CNTNAP2: variants seen among roughly 807,000 people sequenced by gnomAD.
The protein encoded by CNTNAP2 is contactin associated protein 2.
Under a neutral mutation model 155.2 loss-of-function variants are expected in CNTNAP2, and 98 were observed. The observed-to-expected ratio is 0.63, with a 90% CI of 0.54 to 0.75. The LOEUF (loss-of-function observed/expected upper bound fraction) is 0.75. Among genes scored for constraint, CNTNAP2 ranks in the 30% least tolerant of loss-of-function variants. The probability of loss-of-function intolerance (pLI) is 0.00; values close to 1 mark genes in which losing one functional copy is unlikely to be tolerated. For missense variants in CNTNAP2, 1,727 were observed against 1,688.1 expected, an observed-to-expected ratio of 1.02 and a Z score of -0.40; for synonymous variants, 651 against 631.2, an observed-to-expected ratio of 1.03 and a Z score of -0.47.
chr7:146,641,229 A>G (rs1799701054), intron 1 of CNTNAP2, among the ~76,000 whole-genome samples: 1 of 152,200 alleles, frequency 6.6e-6, no homozygotes, highest in African/African-American at 2.4e-5. Flanking sequence ...TGGGAGGCTG[A>G]GGCAGGAGAA....
At chr7:146,715,543 A>T (rs1563200683) in intron 1 of CNTNAP2, among the ~76,000 whole-genome samples, 2 of 152,186 alleles carry the variant, frequency 1.3e-5, no homozygotes, top group Non-Finnish European at 2.9e-5. Context: ...TTTGATTTGT[A>T]TACAGTTTCA....
At chr7:146,836,247 A>AT (rs11406170) in intron 2 of CNTNAP2, among the ~76,000 whole-genome samples, 77,749 of 150,958 alleles carry the variant, frequency 0.52, 23,661 homozygotes, top group African/African-American at 0.86. Context: ...TTAAATTTGT[A>AT]TTTTTTTTTA....
intron 10 of CNTNAP2, among the ~76,000 whole-genome samples, chr7:147,405,495 G>C (rs1201400070): frequency 6.6e-6 from 1 of 152,160 alleles, no homozygotes; most frequent in Non-Finnish European, 1.5e-5. Flanking sequence ...TGAAGGGGAA[G>C]TTGGAGCTTG....
chr7:148,391,749 G>A (rs1020422506), intron 22 of CNTNAP2, among the ~76,000 whole-genome samples: 3 of 152,158 alleles, frequency 2.0e-5, no homozygotes, highest in African/African-American at 7.2e-5. Context: ...GGATTTGCCA[G>A]CAGGAAGACA....
intron 13 of CNTNAP2, among the ~76,000 whole-genome samples, chr7:147,706,999 C>G (rs1366372940): frequency 2.6e-5 from 4 of 152,016 alleles, no homozygotes; most frequent in Non-Finnish European, 5.9e-5. Context: ...TCTGTGATAT[C>G]TATCTCTTTG....
chr7:146,633,347 C>A (rs2129159261), intron 1 of CNTNAP2, among the ~76,000 whole-genome samples: 1 of 152,076 alleles, frequency 6.6e-6, no homozygotes, highest in African/African-American at 2.4e-5. Flanking sequence ...TTTTTATTTC[C>A]TAAAAAATTC....
At position 147,300,146 on chromosome 7, in the gene CNTNAP2, G is replaced by A. The variant is rs1338220329; in HGVS notation, c.1354G>A (p.Gly452Arg). The stretch of plus-strand genomic sequence containing the variant: ...TTTTATCTTGTACTTACCAGGTTCT[G>A]GGTTGAATGATGGACAGTGGCACGA... ...MSQIDISSGSGLNDGQWHEVR... is the reference protein window; with the variant it reads ...MSQIDISSGSRLNDGQWHEVR... Residue 452 changes from glycine to arginine, a missense_variant, in exon 9 of 24, where the codon GGG becomes AGG. Physicochemically the swap from Gly to Arg is moderately radical, Grantham distance 125 (BLOSUM62 -2). Coordinates refer to ENST00000361727, the MANE Select transcript of CNTNAP2 (RefSeq NM_014141.6). 21 of 1,613,868 alleles carry A rather than the reference G, an allele frequency of 1.3e-5. No individual in the cohort carries two copies. Among genetic ancestry groups the A allele is most frequent in the South Asian group, 1.2e-4 (11 of 91,088 alleles).
At chr7:146,516,191 G>A (rs1797538350) in intron 1 of CNTNAP2, among the ~76,000 whole-genome samples, 1 of 151,896 alleles carries the variant, frequency 6.6e-6, no homozygotes, top group Non-Finnish European at 1.5e-5. Context: ...TACTATCATG[G>A]GTAGCAATTA....
chr7:146,505,935 G>A (rs1797377589), intron 1 of CNTNAP2, among the ~76,000 whole-genome samples: 1 of 152,162 alleles, frequency 6.6e-6, no homozygotes. Context: ...CAAAGAGGTG[G>A]AGTAACATGC....
At chr7:148,281,306 A>G (rs914280963) in intron 21 of CNTNAP2, among the ~76,000 whole-genome samples, 2 of 152,354 alleles carry the variant, frequency 1.3e-5, no homozygotes, top group East Asian at 3.9e-4. Flanking sequence ...AAAGTCCCCG[A>G]TGGCAGCTTA....
chr7:147,115,282 G>A (rs1400937618), intron 5 of CNTNAP2, among the ~76,000 whole-genome samples: 1 of 152,102 alleles, frequency 6.6e-6, no homozygotes, highest in Non-Finnish European at 1.5e-5. Context: ...CAGAGAATCT[G>A]ATGATTATGT....
chr7:147,728,031 A>G (rs1022764733), intron 13 of CNTNAP2, among the ~76,000 whole-genome samples: 10 of 151,908 alleles, frequency 6.6e-5, no homozygotes, highest in African/African-American at 2.4e-4. Flanking sequence ...TTCTTGTGTA[A>G]AGCATCAGAT....
chr7:146,864,862 T>TGTGGTCCCAGCTCAA (rs1191867917), intron 3 of CNTNAP2, among the ~76,000 whole-genome samples: 1 of 151,540 alleles, frequency 6.6e-6, no homozygotes, highest in Non-Finnish European at 1.5e-5. Context: ...GGCAGGCTCC[T>TGTGGTCCCAGCTCAA]GTGGTCCCAG....
rs375725373 is a variant in CNTNAP2, at chr7:148,390,550, CCATACCTATACCAGGATGTTTG to C, written c.3715+6685_3715+6706del. 5.0e-3 allele frequency among the ~76,000 whole-genome samples: 768 copies of C among 152,196 alleles called. 6 individuals carry two copies. The highest frequency in any genetic ancestry group is 0.014 in the African/African-American group (599 of 41,502). Reference sequence around the variant, plus strand: ...TCTTGGCAAACCAGGGCTACTCAATCCATACCTATACCAGGATGTTTGCATACCTATACCAGGATGTTTGTTT... The same window carrying C: ...TCTTGGCAAACCAGGGCTACTCAATCCATACCTATACCAGGATGTTTGTTT... On this transcript the variant is annotated intron_variant, in intron 22 of 23. Coordinates refer to ENST00000361727, the MANE Select transcript of CNTNAP2 (RefSeq NM_014141.6).
At chr7:147,364,841 T>C (rs1796199419) in intron 9 of CNTNAP2, among the ~76,000 whole-genome samples, 1 of 148,650 alleles carries the variant, frequency 6.7e-6, no homozygotes, top group Admixed American at 6.7e-5. Context: ...GGAGTGAGAC[T>C]CAGTCTCGGG....
chr7:146,638,829 G>C (rs1585018958), intron 1 of CNTNAP2, among the ~76,000 whole-genome samples: 1 of 151,938 alleles, frequency 6.6e-6, no homozygotes, highest in Non-Finnish European at 1.5e-5. Context: ...TGTGATTCTA[G>C]GTGATTTTGT....
At chr7:146,338,740 A>C (rs574030227) in intron 1 of CNTNAP2, among the ~76,000 whole-genome samples, 3 of 151,618 alleles carry the variant, frequency 2.0e-5, no homozygotes, top group Non-Finnish European at 2.9e-5. Context: ...CTTTTTTTTT[A>C]TTTTTCTTTT....
chr7:146,590,981 G>A (rs990272608), intron 1 of CNTNAP2, among the ~76,000 whole-genome samples: 11 of 152,050 alleles, frequency 7.2e-5, no homozygotes, highest in Admixed American at 2.0e-4. Context: ...GAAAATGCTT[G>A]CTTATTGGTA....
chr7:146,319,684 GTTCA>G (rs879561515), intron 1 of CNTNAP2, among the ~76,000 whole-genome samples: 1 of 152,178 alleles, frequency 6.6e-6, no homozygotes, highest in African/African-American at 2.4e-5. Context: ...TCTGTTTGAT[GTTCA>G]TTAACATTAA....
Sources: allele counts gnomAD v4.1 joint callset (sites outside exome capture counted in the v4.1 genomes callset), GRCh38; gene constraint gnomAD v4.1.1; transcripts MANE v1.5; gene names NCBI Gene and HGNC (gene_info 2026-07-23, HGNC 2026-07-21).